The following PDE11A variants were observed in gnomAD, a reference collection of about 807,000 sequenced individuals.
PDE11A encodes the protein dual 3',5'-cyclic-AMP and -GMP phosphodiesterase 11A.
In PDE11A, 100 loss-of-function variants were observed where a neutral mutation model predicts 100.5. The ratio of observed to expected loss-of-function variants is 1.00; its 90% CI spans 0.85 to 1.18. The LOEUF (loss-of-function observed/expected upper bound fraction) is 1.18. Among genes scored for constraint, PDE11A ranks in the 50% most tolerant of loss-of-function variants. The probability of loss-of-function intolerance (pLI) is 0.00; values close to 1 mark genes in which losing one functional copy is unlikely to be tolerated. For synonymous variants in PDE11A, 381 were observed against 420.8 expected, an observed-to-expected ratio of 0.91 and a Z score of 1.16; for missense variants, 1,141 against 1,152.6, an observed-to-expected ratio of 0.99 and a Z score of 0.15.
chr2:177,913,370 C>T (rs1338954953), intron 2 of PDE11A, among the ~76,000 whole-genome samples: 1 of 152,168 alleles, frequency 6.6e-6, no homozygotes, highest in African/African-American at 2.4e-5. Flanking sequence ...GGGCAATATT[C>T]TAAATGCTTT....
At chr2:177,729,237 C>T (rs1376171785) in intron 10 of PDE11A, among the ~76,000 whole-genome samples, 2 of 152,170 alleles carry the variant, frequency 1.3e-5, no homozygotes, top group African/African-American at 2.4e-5. Context: ...ATTAATTCAA[C>T]CCCTAAACTC....
At position 177,985,258 on chromosome 2, in the gene PDE11A, A is replaced by C. The variant is rs1378711839; in HGVS notation, c.1071+29044T>G. On this transcript the variant is annotated intron_variant, in intron 2 of 19. Coordinates refer to ENST00000286063, the MANE Select transcript of PDE11A (RefSeq NM_016953.4). ...CTTCAACAACTCTACTAAAATGTCT[A>C]CATGTCAAATAGAGTTGGTAACTGA... 5.3e-5 allele frequency among the ~76,000 whole-genome samples: 8 copies of C among 152,224 alleles called. No individual in the cohort carries two copies. In the East Asian group the frequency reaches 1.5e-3, roughly 29 times the overall value.
At chr2:178,090,824 G>A (rs2087413549) in intron 2 of PDE11A, among the ~76,000 whole-genome samples, 1 of 152,162 alleles carries the variant, frequency 6.6e-6, no homozygotes, top group Non-Finnish European at 1.5e-5. Flanking sequence ...CCTTCAGGGA[G>A]AGAATAACAA....
chr2:178,097,284 G>A (rs1275555165), intron 2 of PDE11A, among the ~76,000 whole-genome samples: 2 of 152,148 alleles, frequency 1.3e-5, no homozygotes, highest in South Asian at 2.1e-4. Flanking sequence ...AGAAATACCC[G>A]AGACTAGGTA....
At chr2:177,672,169 T>C (rs1490479377) in intron 17 of PDE11A, among the ~76,000 whole-genome samples, 1 of 152,164 alleles carries the variant, frequency 6.6e-6, no homozygotes. Context: ...GGGGGTAAGA[T>C]GAACAGTGGG....
At chr2:177,705,285 C>T (rs776253457) in intron 13 of PDE11A, among the ~76,000 whole-genome samples, 1 of 151,904 alleles carries the variant, frequency 6.6e-6, no homozygotes, top group South Asian at 2.1e-4. Context: ...TAACAGCACA[C>T]CTCATTTTAA....
At chr2:177,855,986 C>G (rs2083826504) in intron 5 of PDE11A, among the ~76,000 whole-genome samples, 1 of 151,476 alleles carries the variant, frequency 6.6e-6, no homozygotes, top group Admixed American at 6.6e-5. Flanking sequence ...ACTGAGAAGG[C>G]TCTCACCTCT....
chr2:177,998,425 G>A, intron 2 of PDE11A: 1 of 976,652 alleles, frequency 1.0e-6, no homozygotes, highest in Non-Finnish European at 1.7e-6. Flanking sequence ...TTGTTCACTA[G>A]GTTAAATTCT....
rs571603153 is a variant in PDE11A, at chr2:177,790,800, T to C, written c.1738-21427A>G. Among the ~76,000 whole-genome samples, 5 of 152,358 alleles carry C rather than the reference T, an allele frequency of 3.3e-5. No individual in the cohort carries two copies. The South Asian group carries it at 1.0e-3, about 32-fold the overall frequency. On this transcript the variant is annotated intron_variant, in intron 9 of 19. Transcript: ENST00000286063. ...CGCATGAAAAAATGCTCATCATCAC[T>C]GGCCATCAGAGAAATGCAAATCAAA...
At chr2:177,746,178 G>A (rs1209548201) in intron 10 of PDE11A, among the ~76,000 whole-genome samples, 1 of 152,120 alleles carries the variant, frequency 6.6e-6, no homozygotes, top group Non-Finnish European at 1.5e-5. Context: ...GGAAAAATGG[G>A]TCTAAAAATG....
At chr2:177,948,863 T>C (rs775810780) in intron 2 of PDE11A, among the ~76,000 whole-genome samples, 3 of 152,204 alleles carry the variant, frequency 2.0e-5, no homozygotes, top group Non-Finnish European at 4.4e-5. Context: ...TGAGCTATGA[T>C]TGCAACATTG....
At chr2:177,783,120 T>C (rs1258448589) in intron 9 of PDE11A, among the ~76,000 whole-genome samples, 1 of 152,018 alleles carries the variant, frequency 6.6e-6, no homozygotes, top group African/African-American at 2.4e-5. Context: ...CCTCCCTATA[T>C]TCAAATGTAT....
chr2:177,641,950 G>A (rs10497495), intron 19 of PDE11A, among the ~76,000 whole-genome samples: 25,005 of 152,106 alleles, frequency 0.16, 3,334 homozygotes, highest in African/African-American at 0.37. Context: ...TTATCAACCC[G>A]TTTTAGAGAG....
chr2:178,078,246 C>G lies in PDE11A; in HGVS notation c.162+26056G>C, dbSNP rs80155484. ...TCAAATGTCACACATATTATGTTTC[C>G]TGCTTCCCCAGTAAAAAGCTGTGCT... is the stretch of plus-strand genomic sequence containing the variant. On this transcript the variant is annotated intron_variant, in intron 2 of 20. Coordinates refer to the PDE11A transcript ENST00000358450. Among the ~76,000 whole-genome samples the G allele has an allele frequency of 7.1e-4, 108 of 152,070 alleles. 1 individual carries two copies. In the East Asian group the frequency reaches 0.019, roughly 27 times the overall value.
intron 1 of PDE11A, among the ~76,000 whole-genome samples, chr2:178,068,784 T>TG (rs1457690544): frequency 6.6e-6 from 1 of 152,132 alleles, no homozygotes; most frequent in African/African-American, 2.4e-5. Context: ...TGGGGAAGGA[T>TG]GCAACATCCT....
intron 2 of PDE11A, among the ~76,000 whole-genome samples, chr2:177,925,302 C>CA (rs2085111309): frequency 6.6e-6 from 1 of 152,096 alleles, no homozygotes; most frequent in African/African-American, 2.4e-5. Flanking sequence ...GAGGAATCTC[C>CA]ACACTGACTT....
intron 10 of PDE11A, among the ~76,000 whole-genome samples, chr2:177,735,171 A>G (rs527236779): frequency 4.7e-4 from 71 of 152,350 alleles, no homozygotes; most frequent in African/African-American, 1.6e-3. Flanking sequence ...AACCCCCGGG[A>G]GAGTTTAGTG....
At chr2:177,707,061 C>T (rs372317951) in intron 13 of PDE11A, among the ~76,000 whole-genome samples, 1 of 152,156 alleles carries the variant, frequency 6.6e-6, no homozygotes, top group African/African-American at 2.4e-5. Context: ...AGCTCAACAA[C>T]TCAAAATAGA....
At chr2:177,712,342 CTTTT>C (rs35906687) in intron 12 of PDE11A, among the ~76,000 whole-genome samples, 1 of 139,826 alleles carries the variant, frequency 7.2e-6, no homozygotes. Context: ...CACAACCCTT[CTTTT>C]TTTTTTTTTT....
Sources: gnomAD v4.1 joint callset for allele counts (sites outside exome capture counted in the v4.1 genomes callset) on GRCh38, gnomAD v4.1.1 for gene constraint, MANE v1.5 for transcripts, NCBI Gene and HGNC (gene_info 2026-07-23, HGNC 2026-07-21) for gene names.